Variants in TMEM231 observed in about 807,000 individuals in gnomAD.
The protein encoded by TMEM231 is transmembrane protein 231.
TMEM231 carries 40 observed loss-of-function variants against 38.5 expected under a neutral mutation model. The observed-to-expected ratio is 1.04, with a 90% CI of 0.81 to 1.35. The LOEUF is 1.35. Ranked by LOEUF, TMEM231 falls within the 40% of genes most tolerant of loss-of-function variation. The probability of loss-of-function intolerance (pLI) is 0.00; values close to 1 mark genes in which losing one functional copy is unlikely to be tolerated. For synonymous variants in TMEM231, 199 were observed against 181.7 expected (o/e 1.10, Z -0.77); for missense variants, 420 against 416.9 (o/e 1.01, Z -0.07).
At position 75,536,914 on chromosome 16, in the gene TMEM231, G is replaced by A. The variant is rs1417715381; in HGVS notation, c.*3080C>T. On this transcript the variant is annotated 3_prime_UTR_variant, in exon 7 of 7. Transcript: ENST00000258173. ...AAGCGGATGGATCACTTGAGGTCAG[G>A]AGTTCGAGACCAGCCTGACCACCAG... The A allele has an allele frequency of 1.3e-5, 2 of 152,168 alleles. No homozygotes were observed. The highest frequency in any genetic ancestry group is 2.9e-5 in the Non-Finnish European group (2 of 68,052). 9.4% of individuals were successfully genotyped at this position (152,168 alleles called of 1,614,324 possible). A position where few individuals can be genotyped will look rare whatever the true frequency, so the allele number is the denominator to read the frequency against.
chr16:75,549,686 G>A (rs1597045434), intron 2 of TMEM231, among the ~76,000 whole-genome samples: 2 of 152,020 alleles, frequency 1.3e-5, no homozygotes, highest in Admixed American at 6.6e-5. Context: ...CCACACGCAT[G>A]TACTGAGCAG....
chr16:75,541,265 C>T, intron 6 of TMEM231, 85 bp downstream of exon 6: 1 of 901,296 alleles, frequency 1.1e-6, no homozygotes, highest in Admixed American at 2.9e-5. Flanking sequence ...AATGATCCTC[C>T]CACCTTGGCC....
chr16:75,547,116 T>A (rs1051741597), intron 2 of TMEM231, among the ~76,000 whole-genome samples: 2 of 152,214 alleles, frequency 1.3e-5, no homozygotes, highest in Non-Finnish European at 2.9e-5. Context: ...ACTGCTGACA[T>A]GGTCCCTCTG....
At position 75,542,768 on chromosome 16, in the gene TMEM231, C is replaced by G; in HGVS notation, c.583-85G>C. On this transcript the variant is annotated intron_variant, in intron 4 of 6. Transcript: ENST00000258173. Reference sequence around the variant, plus strand: ...TACCCTTCTGCCCACCCAGGCTGGTCCCACAGAGCACCCTCTTGTTCTTGG... The same window carrying G: ...TACCCTTCTGCCCACCCAGGCTGGTGCCACAGAGCACCCTCTTGTTCTTGG... 7 of 1,158,710 alleles carry G rather than the reference C, an allele frequency of 6.0e-6. No homozygotes were observed. The South Asian group carries it at 9.3e-5, about 15-fold the overall frequency. 71.8% of individuals were successfully genotyped at this position (1,158,710 alleles called of 1,614,324 possible).
Position 75,555,858 on chromosome 16 carries a change from C to A in TMEM231, c.255G>T (p.Thr85=), listed in dbSNP as rs2151710642. 2 of 1,584,854 alleles carry A rather than the reference C, an allele frequency of 1.3e-6. No individual in the cohort carries two copies. Among genetic ancestry groups the A allele is most frequent in the Non-Finnish European group, 1.7e-6 (2 of 1,166,018 alleles). Residue 85 remains threonine (T), a synonymous_variant, in exon 2 of 7, where the codon ACG becomes ACT. Transcript: ENST00000258173. ...PESDGFLAWS[T]FPAFNRLQGD... is the part of the protein sequence containing the mutation. ...CTTGCAGCCGGTTGAAGGCGGGGAA[C>A]GTGCTCCAGGCGAGGAACCCGTCGC...
At chr16:75,548,583 A>C (rs2080720211) in intron 2 of TMEM231, among the ~76,000 whole-genome samples, 1 of 152,042 alleles carries the variant, frequency 6.6e-6, no homozygotes, top group African/African-American at 2.4e-5. Context: ...ATTTAACAGA[A>C]ATTGGCCAGG....
chr16:75,544,897 C>T (rs1187981787), intron 4 of TMEM231, among the ~76,000 whole-genome samples: 1 of 151,162 alleles, frequency 6.6e-6, no homozygotes, highest in African/African-American at 2.4e-5. Context: ...TACAGAGACC[C>T]TCTTTGGTGC....
At chr16:75,548,779 G>A (rs1489546703) in intron 2 of TMEM231, among the ~76,000 whole-genome samples, 1 of 152,228 alleles carries the variant, frequency 6.6e-6, no homozygotes, top group Non-Finnish European at 1.5e-5. Context: ...TGAGGCAGGA[G>A]AATCGCTTGA....
At position 75,543,102 on chromosome 16, in the gene TMEM231, C is replaced by T. The variant is rs1012438501; in HGVS notation, c.583-419G>A. Among the ~76,000 whole-genome samples the T allele has an allele frequency of 6.1e-4, 92 of 151,990 alleles. 1 individual carries two copies. The highest frequency in any genetic ancestry group is 1.5e-4 in the Non-Finnish European group (10 of 67,994). ...AAATTATTTTAACAGACCGTATTTT[C>T]GCCAGGTGTGGTGGCTCATGCCTAC... On this transcript the variant is annotated intron_variant, in intron 4 of 6. Transcript: ENST00000258173.
intron 2 of TMEM231, among the ~76,000 whole-genome samples, chr16:75,549,497 T>C (rs1225351253): frequency 1.3e-5 from 2 of 152,142 alleles, no homozygotes; most frequent in African/African-American, 4.8e-5. Flanking sequence ...TATGGATAGA[T>C]AAATTGAGGG....
At position 75,556,205 on chromosome 16, in the gene TMEM231, G is replaced by T. The variant is rs778298588; in HGVS notation, c.5C>A (p.Ala2Glu). The change falls in exon 1 of 7, where the codon GCG becomes GAG. Residue 2 changes from alanine (A) to glutamate (E), a missense_variant. By Grantham distance (107) the Ala-to-Glu change is moderately radical (BLOSUM62 -1). Transcript: ENST00000258173. M[A>E]LYELFSHPVE... ...CGGGTGAGAGAAGAGCTCATAGAGCGCCATGAGCACCGCTCGCAGGCACTC... is the reference window on the plus strand; with the variant it reads ...CGGGTGAGAGAAGAGCTCATAGAGCTCCATGAGCACCGCTCGCAGGCACTC... The T allele has an allele frequency of 6.9e-7, 1 of 1,454,442 alleles. No homozygotes were observed. Among genetic ancestry groups the T allele is most frequent in the African/African-American group, 1.5e-5 (1 of 68,542 alleles). The allele number at this position is 1,454,442 out of a possible 1,614,324, so 90.1% of individuals were successfully genotyped here. A position where few individuals can be genotyped will look rare whatever the true frequency, so the allele number is the denominator to read the frequency against.
chr16:75,553,121 C>G (rs1486537062), intron 2 of TMEM231, among the ~76,000 whole-genome samples: 2 of 152,224 alleles, frequency 1.3e-5, no homozygotes, highest in East Asian at 3.8e-4. Context: ...CCCCAATTAG[C>G]CACTGCAAAG....
rs556656080 is a variant in TMEM231 at position 75,554,473 on chromosome 16, G to A, written c.309+1331C>T. ...AGGCACGAGAATTGCTTGAACCCAG[G>A]AGGCAGAGTTGCAGTGAGCAGAGAA... On this transcript the variant is annotated intron_variant, in intron 2 of 6. Transcript: ENST00000258173. 2.7e-5 allele frequency among the ~76,000 whole-genome samples: 4 copies of A among 150,026 alleles called. No individual in the cohort carries two copies. In the South Asian group the frequency reaches 8.4e-4, roughly 31 times the overall value.
rs532451095 is a variant in TMEM231 at position 75,542,593 on chromosome 16, G to A, written c.664+9C>T. ...AGCAGCGGCTGAATGGGCTCTACCT[G>A]TGACTCACCGTTCCTCTCCTGGTAG... On this transcript the variant is annotated intron_variant, in intron 5 of 6. Transcript: ENST00000258173. 5.6e-6 allele frequency: 9 copies of A among 1,613,328 alleles called. No individual in the cohort carries two copies. Among genetic ancestry groups the A allele is most frequent in the South Asian group, 4.4e-5 (4 of 91,056 alleles).
At chr16:75,552,319 T>C (rs1160818921) in intron 2 of TMEM231, among the ~76,000 whole-genome samples, 1 of 151,964 alleles carries the variant, frequency 6.6e-6, no homozygotes, top group South Asian at 2.1e-4. Context: ...CCAGGCGTAG[T>C]GGCAGGAGCC....
chr16:75,540,147 T>G lies in TMEM231; in HGVS notation c.798A>C (p.Val266=). ...TGACATACTGCACCCAGGCGAACTTTACCATCTCCCAGAATCCTGGCTGAT... is the reference window on the plus strand; with the variant it reads ...TGACATACTGCACCCAGGCGAACTTGACCATCTCCCAGAATCCTGGCTGAT... The part of the protein sequence containing the change: ...ISYQPGFWEM[V]KFAWVQYVSI... Residue 266 remains valine, a synonymous_variant, in exon 7 of 7, where the codon GTA becomes GTC. Coordinates refer to ENST00000258173, the MANE Select transcript of TMEM231 (RefSeq NM_001077418.3). The G allele has an allele frequency of 6.2e-7, 1 of 1,613,666 alleles. No individual in the cohort carries two copies. The highest frequency in any genetic ancestry group is 8.5e-7 in the Non-Finnish European group (1 of 1,179,758).
chr16:75,547,841 G>C (rs1174090081), intron 2 of TMEM231, among the ~76,000 whole-genome samples: 1 of 152,076 alleles, frequency 6.6e-6, no homozygotes, highest in African/African-American at 2.4e-5. Context: ...TTCTTCAATT[G>C]GGATCTGGGT....
At chr16:75,546,934 G>A (rs547924846) in intron 2 of TMEM231, among the ~76,000 whole-genome samples, 5 of 152,032 alleles carry the variant, frequency 3.3e-5, no homozygotes, top group Non-Finnish European at 7.4e-5. Flanking sequence ...GATAAATTAC[G>A]GGCATGAAAG....
At chr16:75,542,184 C>A in intron 5 of TMEM231, 1 of 186,462 alleles carries the variant, frequency 5.4e-6, no homozygotes, top group Non-Finnish European at 1.1e-5. Flanking sequence ...CTCCTGTTCT[C>A]CTGCTGGACT....
Sources: allele counts gnomAD v4.1 joint callset (sites outside exome capture counted in the v4.1 genomes callset), GRCh38; gene constraint gnomAD v4.1.1; transcripts MANE v1.5; gene names NCBI Gene and HGNC (gene_info 2026-07-23, HGNC 2026-07-21).